The following INA variants were observed in gnomAD, a reference collection of about 807,000 sequenced individuals.
The protein encoded by INA is internexin neuronal intermediate filament protein alpha.
A neutral mutation model predicts 40.1 loss-of-function variants in INA; 35 were observed. The observed-to-expected ratio is 0.87, with a 90% CI of 0.67 to 1.16. The LOEUF is 1.16. Among genes scored for constraint, INA ranks in the 50% most tolerant of loss-of-function variants. INA has a pLI of 0.00. For missense variants in INA, 594 were observed against 686.7 expected (o/e 0.87, Z 1.51); for synonymous variants, 290 against 316.9 (o/e 0.92, Z 0.90).
intron 1 of INA, among the ~76,000 whole-genome samples, chr10:103,281,865 A>T (rs1226814998): frequency 6.6e-6 from 1 of 152,222 alleles, no homozygotes; most frequent in Non-Finnish European, 1.5e-5. Flanking sequence ...GACGATGCTC[A>T]GCGTTTGTCT....
rs2093093807 is a variant in INA, at chr10:103,289,135, A to C, written c.*466A>C. The C allele has an allele frequency of 6.5e-6, 1 of 153,324 alleles. No homozygotes were observed. The highest frequency in any genetic ancestry group is 1.5e-5 in the Non-Finnish European group (1 of 68,672). The allele number at this position is 153,324 out of a possible 1,614,324, so 9.5% of individuals were successfully genotyped here. A position where few individuals can be genotyped will look rare whatever the true frequency, so the allele number is the denominator to read the frequency against. On this transcript the variant is annotated 3_prime_UTR_variant, in exon 3 of 3. Transcript: ENST00000369849. ...TTCCACTCTGATAGAATTATTTCAC[A>C]AATAATAGGTGTTTGTTTAATGGAC...
intron 1 of INA, among the ~76,000 whole-genome samples, chr10:103,279,088 C>T (rs1019119323): frequency 2.6e-5 from 4 of 152,152 alleles, no homozygotes; most frequent in African/African-American, 9.7e-5. Flanking sequence ...AGTTATGAAT[C>T]TCTAGGCAAT....
chr10:103,277,420 C>T lies in INA; in HGVS notation c.209C>T (p.Pro70Leu), dbSNP rs1185650774. Residue 70 changes from proline to leucine, a missense_variant, in exon 1 of 3, where the codon CCG becomes CTG. Transcript: ENST00000369849. This position sits in a 1 kb window ranked among gnomAD's most constrained non-coding sequence, Gnocchi z 5.6. ...CTCGGCCTGGCCTATCGCCGGCCGCCGGCGTCCGACGGGCTGGACCTGAGC... is the reference window on the plus strand; with the variant it reads ...CTCGGCCTGGCCTATCGCCGGCCGCTGGCGTCCGACGGGCTGGACCTGAGC... The part of the protein sequence containing the change: ...LGLGLAYRRP[P>L]ASDGLDLSQA... The T allele has an allele frequency of 1.3e-6, 2 of 1,561,274 alleles. No homozygotes were observed.
At position 103,289,375 on chromosome 10, in the gene INA, C is replaced by T. The variant is rs571282071; in HGVS notation, c.*706C>T. 26 of 152,694 alleles carry T rather than the reference C, an allele frequency of 1.7e-4. No individual in the cohort carries two copies. In the East Asian group the frequency reaches 4.2e-3, roughly 25 times the overall value. 9.5% of individuals were successfully genotyped at this position (152,694 alleles called of 1,614,324 possible). On this transcript the variant is annotated 3_prime_UTR_variant, in exon 3 of 3. Coordinates refer to ENST00000369849, the MANE Select transcript of INA (RefSeq NM_032727.4). ...CTGCCCATTTCATATTCTTTCAATT[C>T]TGTAGGTTAAAAAAATGGCAGTGAT...
intron 1 of INA, among the ~76,000 whole-genome samples, chr10:103,279,676 A>C (rs2093068657): frequency 6.6e-6 from 1 of 152,236 alleles, no homozygotes; most frequent in African/African-American, 2.4e-5. Context: ...AAAGGAATGA[A>C]ATCTCAAAAG....
chr10:103,277,286 G>A lies in INA; in HGVS notation c.75G>A (p.Leu25=). 6.3e-7 allele frequency: 1 copy of A among 1,578,268 alleles called. No individual in the cohort carries two copies. Residue 25 remains leucine, a synonymous_variant, in exon 1 of 3, where the codon CTG becomes CTA. Transcript: ENST00000369849. This position sits in a 1 kb window ranked among gnomAD's most constrained non-coding sequence, Gnocchi z 5.6. ...AGGTGTTCGGGGATGGCTCTCGCCTGTCCGCCCGCCTCTCTGGGGCCGGCG... is the reference window on the plus strand; with the variant it reads ...AGGTGTTCGGGGATGGCTCTCGCCTATCCGCCCGCCTCTCTGGGGCCGGCG... The part of the protein sequence containing the change: ...YRKVFGDGSR[L]SARLSGAGGA...
At chr10:103,281,518 A>G (rs970198846) in intron 1 of INA, among the ~76,000 whole-genome samples, 2 of 151,994 alleles carry the variant, frequency 1.3e-5, no homozygotes, top group African/African-American at 4.8e-5. Context: ...GTTTACGGAG[A>G]TACGTATAAT....
In INA at chr10:103,287,015, T is replaced by A; in HGVS notation, c.1066-20T>A. ...TTTCAGCTGGTTTGGCCTAACTATT[T>A]TGGATATGTTACTTTTCAGGATAGC... On this transcript the variant is annotated intron_variant, in intron 1 of 2. Transcript: ENST00000369849. The A allele has an allele frequency of 6.2e-7, 1 of 1,612,162 alleles. No homozygotes were observed. Among genetic ancestry groups the A allele is most frequent in the Non-Finnish European group, 8.5e-7 (1 of 1,179,032 alleles).
intron 1 of INA, among the ~76,000 whole-genome samples, chr10:103,285,914 G>A (rs930874091): frequency 2.0e-5 from 3 of 152,026 alleles, no homozygotes; most frequent in East Asian, 1.9e-4. Flanking sequence ...CACCACACCC[G>A]GGTGAACTGA....
At position 103,283,748 on chromosome 10, in the gene INA, C is replaced by CTTTT. The variant is rs34755376; in HGVS notation, c.1066-3271_1066-3268dup. ...GATATGTTTATCTGCATCACTGTTTCTTTTTTTTTTTTTTTTTTTGAGATG... is the reference window on the plus strand; with the variant it reads ...GATATGTTTATCTGCATCACTGTTTCTTTTTTTTTTTTTTTTTTTTTTTGAGATG... On this transcript the variant is annotated intron_variant, in intron 1 of 2. Transcript: ENST00000369849. Among the ~76,000 whole-genome samples, 239 of 114,882 alleles carry CTTTT rather than the reference C, an allele frequency of 2.1e-3. 3 individuals carry two copies. The highest frequency in any genetic ancestry group is 6.5e-3 in the African/African-American group (194 of 29,654). The allele number at this position is 114,882 out of a possible 152,430, so 75.4% of individuals were successfully genotyped here. A position where few individuals can be genotyped will look rare whatever the true frequency, so the allele number is the denominator to read the frequency against.
At chr10:103,283,024 A>T (rs1013472396) in intron 1 of INA, among the ~76,000 whole-genome samples, 4 of 152,246 alleles carry the variant, frequency 2.6e-5, no homozygotes, top group Non-Finnish European at 5.9e-5. Context: ...TGTGAGATAT[A>T]TTAAATTGAA....
chr10:103,281,512 A>C (rs1296655322), intron 1 of INA, among the ~76,000 whole-genome samples: 1 of 152,198 alleles, frequency 6.6e-6, no homozygotes, highest in Non-Finnish European at 1.5e-5. Context: ...AAAGTAGTTT[A>C]CGGAGATACG....
In INA at chr10:103,278,433, T is replaced by C. The variant is rs1298548375; in HGVS notation, c.1065+157T>C. On this transcript the variant is annotated intron_variant, in intron 1 of 2. Coordinates refer to ENST00000369849, the MANE Select transcript of INA (RefSeq NM_032727.4). This position sits in a 1 kb window ranked among gnomAD's most constrained non-coding sequence, Gnocchi z 4.9. ...CGCTGGTTAACAAAAAACCCTGGAG[T>C]CTTTAATGTTAATTTTAGGGAACGC... Among the ~76,000 whole-genome samples the C allele has an allele frequency of 5.9e-5, 9 of 151,654 alleles. No homozygotes were observed. Among genetic ancestry groups the C allele is most frequent in the African/African-American group, 2.2e-4 (9 of 41,262 alleles).
rs2093061100 is a variant in INA at position 103,277,293 on chromosome 10, C to A, written c.82C>A (p.Arg28Ser). 2 of 1,590,720 alleles carry A rather than the reference C, an allele frequency of 1.3e-6. No homozygotes were observed. The highest frequency in any genetic ancestry group is 1.7e-5 in the Admixed American group (1 of 58,516). The change falls in exon 1 of 3, where the codon CGC (arginine) becomes AGC (serine). Residue 28 changes from arginine to serine, a missense_variant. Around this residue, in one of 2 missense-constraint regions of INA, gnomAD observed 215 missense variants for 190.6 expected, o/e 1.13. Coordinates refer to ENST00000369849, the MANE Select transcript of INA (RefSeq NM_032727.4). This position sits in a 1 kb window ranked among gnomAD's most constrained non-coding sequence, Gnocchi z 5.6. The part of the protein sequence containing the change: ...VFGDGSRLSA[R>S]LSGAGGAGGF... ...CGGGGATGGCTCTCGCCTGTCCGCC[C>A]GCCTCTCTGGGGCCGGCGGCGCGGG...
Position 103,278,195 on chromosome 10 carries a change from C to T in INA, c.984C>T (p.Gly328=), listed in dbSNP as rs543895602. 2.5e-6 allele frequency: 4 copies of T among 1,607,314 alleles called. No homozygotes were observed. The African/African-American group carries it at 4.0e-5, about 16-fold the overall frequency. Residue 328 remains glycine (G), a synonymous_variant, in exon 1 of 3, where the codon GGC becomes GGT. Transcript: ENST00000369849. The surrounding 1 kb of genome is among the most constrained non-coding windows in gnomAD (Gnocchi z 4.9). ...QLQARTIEIE[G]LRGANESLER... The stretch of plus-strand genomic sequence containing the variant: ...AGGCGCGCACCATCGAGATCGAGGG[C>T]CTGCGCGGGGCCAACGAGTCCTTGG...
intron 1 of INA, chr10:103,279,880 A>G: frequency 8.5e-7 from 1 of 1,180,538 alleles, no homozygotes; most frequent in Non-Finnish European, 1.1e-6. Context: ...TATGTACCCT[A>G]ACCCCTGGAT....
intron 2 of INA, 74 bp downstream of exon 2, chr10:103,287,233 GTC>G: frequency 1.3e-6 from 2 of 1,509,404 alleles, no homozygotes; most frequent in African/African-American, 1.4e-5. Context: ...AGTGGATCTA[GTC>G]TCTCTGGCTT....
rs1386632959 is a variant in INA, at chr10:103,277,614, G to A, written c.403G>A (p.Glu135Lys). 1 of 1,507,020 alleles carries A rather than the reference G, an allele frequency of 6.6e-7. No individual in the cohort carries two copies. Among genetic ancestry groups the A allele is most frequent in the Non-Finnish European group, 8.8e-7 (1 of 1,134,516 alleles). 93.4% of individuals were successfully genotyped at this position (1,507,020 alleles called of 1,614,324 possible). Residue 135 changes from glutamate to lysine, a missense_variant, in exon 1 of 3, where the codon GAG becomes AAG. Around this residue, in one of 2 missense-constraint regions of INA, gnomAD observed 379 missense variants for 496.1 expected, o/e 0.76. Transcript: ENST00000369849. This position sits in a 1 kb window ranked among gnomAD's most constrained non-coding sequence, Gnocchi z 5.6. ...GGCCGCGCTGCGACAGCGCCACGCT[G>A]AGCCGTCGCGCGTCGGCGAGCTCTT... ...ELAALRQRHA[E>K]PSRVGELFQR...
At chr10:103,280,008 AAC>A (rs2093069393) in intron 1 of INA, 1 of 1,287,072 alleles carries the variant, frequency 7.8e-7, no homozygotes, top group Admixed American at 2.3e-5. Flanking sequence ...AAAAAAGGAT[AAC>A]TTACTCAGAG....
Sources: allele counts gnomAD v4.1 joint callset (sites outside exome capture counted in the v4.1 genomes callset), GRCh38; gene constraint gnomAD v4.1.1; regional missense constraint gnomAD v4.1.1; non-coding constraint Gnocchi (gnomAD v3.1); transcripts MANE v1.5; gene names NCBI Gene and HGNC (gene_info 2026-07-23, HGNC 2026-07-21).